The following EXD1 variants were observed in gnomAD, a reference collection of about 807,000 sequenced individuals.
EXD1 encodes piRNA biogenesis protein EXD1.
A neutral mutation model predicts 49.1 loss-of-function variants in EXD1; 63 were observed. That is an observed-to-expected ratio of 1.28 (90% CI 1.05 to 1.58). The LOEUF (loss-of-function observed/expected upper bound fraction) is 1.58, where lower values mean the gene tolerates loss of function less well. Among genes scored for constraint, EXD1 ranks in the 40% most tolerant of loss-of-function variants. The pLI is 0.00. For missense variants in EXD1, 748 were observed against 666.0 expected, an observed-to-expected ratio of 1.12 and a Z score of -1.36; for synonymous variants, 234 against 239.2, an observed-to-expected ratio of 0.98 and a Z score of 0.20.
intron 10 of EXD1, among the ~76,000 whole-genome samples, chr15:41,190,702 C>G (rs1191716364): frequency 6.6e-6 from 1 of 152,068 alleles, no homozygotes; most frequent in South Asian, 2.1e-4. Flanking sequence ...AGGCAGCAAA[C>G]TTGATTATGT....
intron 7 of EXD1, among the ~76,000 whole-genome samples, chr15:41,202,955 C>T (rs1021565939): frequency 6.6e-6 from 1 of 151,402 alleles, no homozygotes; most frequent in Non-Finnish European, 1.5e-5. Flanking sequence ...TGATGTTTTC[C>T]CCTGCTACTT....
chr15:41,195,305 A>G (rs2046591149), intron 9 of EXD1, among the ~76,000 whole-genome samples: 1 of 152,190 alleles, frequency 6.6e-6, no homozygotes, highest in South Asian at 2.1e-4. Context: ...CAGACAAATT[A>G]TATCACTTCA....
intron 7 of EXD1, among the ~76,000 whole-genome samples, chr15:41,200,648 T>C (rs1295734050): frequency 6.6e-6 from 1 of 152,264 alleles, no homozygotes; most frequent in Admixed American, 6.5e-5. Flanking sequence ...TTATAGTTGG[T>C]TGGTCAGAAG....
chr15:41,191,497 A>G lies in EXD1; in HGVS notation c.809T>C (p.Leu270Pro). 1 of 1,613,584 alleles carries G rather than the reference A, an allele frequency of 6.2e-7. No homozygotes were observed. Among genetic ancestry groups the G allele is most frequent in the Admixed American group, 1.7e-5 (1 of 59,998 alleles). Residue 270 changes from leucine to proline, a missense_variant, in exon 10 of 12, where the codon CTT becomes CCT. By Grantham distance (98) the Leu-to-Pro change is moderately conservative. Transcript: ENST00000458580. Reference protein sequence around the residue: ...TTLQESLIKHLQVAPKYLSFL... With the variant: ...TTLQESLIKHPQVAPKYLSFL... Reference sequence around the variant, plus strand: ...GGAGAGATATTTAGGGGCTACTTGAAGGTGTTTGATTAAACTCTCCTGCAA... The same window carrying G: ...GGAGAGATATTTAGGGGCTACTTGAGGGTGTTTGATTAAACTCTCCTGCAA...
At chr15:41,191,691 ACCC>A (rs2046521396) in intron 9 of EXD1, 106 bp from the exon 10 acceptor site, 2 of 1,096,858 alleles carry the variant, frequency 1.8e-6, no homozygotes, top group Admixed American at 4.8e-5. Flanking sequence ...TTCCCCAAGG[ACCC>A]ACACGATAGA....
At chr15:41,210,844 C>T (rs1006239727) in intron 6 of EXD1, among the ~76,000 whole-genome samples, 1 of 152,134 alleles carries the variant, frequency 6.6e-6, no homozygotes, top group African/African-American at 2.4e-5. Flanking sequence ...TATTCAATAA[C>T]AGAAAGGCAT....
intron 6 of EXD1, among the ~76,000 whole-genome samples, chr15:41,211,244 T>G (rs2046916906): frequency 6.6e-6 from 1 of 151,934 alleles, no homozygotes; most frequent in African/African-American, 2.4e-5. Flanking sequence ...CCCGGGTAGC[T>G]GAAACTACAG....
At position 41,226,502 on chromosome 15, in the gene EXD1, C is replaced by A. The variant is rs1487867503; in HGVS notation, c.74G>T (p.Gly25Val). 4 of 1,535,950 alleles carry A rather than the reference C, an allele frequency of 2.6e-6. No individual in the cohort carries two copies. The highest frequency in any genetic ancestry group is 2.4e-5 in the South Asian group (2 of 84,062). ...ATGCTGAAGCACACCCTCGAAGACA[C>A]CACAGACCAATGTGAGTTTCACCCT... Reference protein sequence around the residue: ...WKRVKLTLVCGVFEGVLQHVD... With the variant: ...WKRVKLTLVCVVFEGVLQHVD... The change falls in exon 2 of 12, where the codon GGT becomes GTT. Residue 25 changes from glycine to valine, a missense_variant. Physicochemically the swap from Gly to Val is moderately radical, Grantham distance 109. Coordinates refer to ENST00000458580, the MANE Select transcript of EXD1 (RefSeq NM_001286441.2).
intron 6 of EXD1, among the ~76,000 whole-genome samples, chr15:41,210,985 G>A (rs992374701): frequency 3.3e-5 from 5 of 152,244 alleles, no homozygotes; most frequent in Admixed American, 2.6e-4. Flanking sequence ...CTGCAGAACC[G>A]GCAACAAAAG....
chr15:41,228,934 T>C lies in EXD1; in HGVS notation c.-54+1545A>G, dbSNP rs544589502. 3.9e-5 allele frequency among the ~76,000 whole-genome samples: 6 copies of C among 152,272 alleles called. No individual in the cohort carries two copies. The South Asian group carries it at 1.2e-3, about 32-fold the overall frequency. ...TACTAACATGAAGCAAAGAAAGCTT[T>C]GACTGGAGACAGCTGCAAACACTAA... On this transcript the variant is annotated intron_variant, in intron 1 of 11. Coordinates refer to ENST00000458580, the MANE Select transcript of EXD1 (RefSeq NM_001286441.2).
intron 7 of EXD1, among the ~76,000 whole-genome samples, chr15:41,207,335 A>T (rs1249763532): frequency 6.6e-6 from 1 of 152,032 alleles, no homozygotes; most frequent in East Asian, 1.9e-4. Flanking sequence ...TGAGGTCGGG[A>T]GTTCGAGACC....
Position 41,195,844 on chromosome 15 carries a change from A to T in EXD1, c.651T>A (p.Asp217Glu). ...EDKRILKVIH[D>E]CRWLSDCLSH... ...AGAGGCAATCAGAAAGCCAACGACA[A>T]TCATGGATAACCTAAGGAATCAGAA... Residue 217 changes from aspartate to glutamate, a missense_variant, in exon 9 of 12, where the codon GAT becomes GAA. Physicochemically the swap from Asp to Glu is conservative, Grantham distance 45. Transcript: ENST00000458580. 6.2e-7 allele frequency: 1 copy of T among 1,613,604 alleles called. No homozygotes were observed. Among genetic ancestry groups the T allele is most frequent in the Non-Finnish European group, 8.5e-7 (1 of 1,179,914 alleles).
chr15:41,202,608 T>G (rs774987626), intron 7 of EXD1, among the ~76,000 whole-genome samples: 8 of 152,144 alleles, frequency 5.3e-5, no homozygotes, highest in Non-Finnish European at 1.0e-4. Flanking sequence ...CCTGAGTACC[T>G]GGGATTATAT....
At chr15:41,202,843 A>G (rs960475828) in intron 7 of EXD1, among the ~76,000 whole-genome samples, 15 of 149,578 alleles carry the variant, frequency 1.0e-4, no homozygotes, top group South Asian at 2.2e-4. Flanking sequence ...GCTGGAACTC[A>G]GGAGGCAGAG....
Position 41,218,486 on chromosome 15 carries a change from C to CAAA in EXD1, c.203-1335_203-1333dup, listed in dbSNP as rs35305069. ...TTAGCGACAAAGTAAGAATCCGTCT[C>CAAA]AAAAAAAAAAAAAAAAAAAGTATGA... On this transcript the variant is annotated intron_variant, in intron 3 of 11. Coordinates refer to ENST00000458580, the MANE Select transcript of EXD1 (RefSeq NM_001286441.2). 1.4e-3 allele frequency among the ~76,000 whole-genome samples: 108 copies of CAAA among 79,022 alleles called. 1 individual carries two copies. The highest frequency in any genetic ancestry group is 6.7e-3 in the Middle Eastern group (1 of 150). 51.8% of individuals were successfully genotyped at this position (79,022 alleles called of 152,430 possible).
chr15:41,198,286 T>G (rs1002857340), intron 7 of EXD1, among the ~76,000 whole-genome samples: 4 of 152,128 alleles, frequency 2.6e-5, no homozygotes, highest in Admixed American at 2.6e-4. Context: ...GCTGGGACTT[T>G]CATCCCCACT....
At chr15:41,221,817 C>G (rs1163470010) in intron 2 of EXD1, among the ~76,000 whole-genome samples, 1 of 151,944 alleles carries the variant, frequency 6.6e-6, no homozygotes, top group African/African-American at 2.4e-5. Context: ...AACAGACTTA[C>G]TAAGGCCAAG....
At chr15:41,217,233 G>C in intron 3 of EXD1, 79 bp from the exon 4 acceptor site, 1 of 1,162,216 alleles carries the variant, frequency 8.6e-7, no homozygotes. Context: ...CACACCCCTA[G>C]TTTAACCATG....
At position 41,191,504 on chromosome 15, in the gene EXD1, TGATTA is replaced by T; in HGVS notation, c.797_801del (p.Leu266Ter). On this transcript the variant is annotated frameshift_variant, in exon 10 of 12. Coordinates refer to ENST00000458580, the MANE Select transcript of EXD1 (RefSeq NM_001286441.2). LOFTEE classifies it high-confidence loss of function. ...TATTTAGGGGCTACTTGAAGGTGTT[TGATTA>T]AACTCTCCTGCAAAGTAGTGATGCA... The T allele has an allele frequency of 2.5e-6, 4 of 1,613,972 alleles. No individual in the cohort carries two copies. Among genetic ancestry groups the T allele is most frequent in the Non-Finnish European group, 3.4e-6 (4 of 1,179,858 alleles).
Sources: gnomAD v4.1 joint callset for allele counts (sites outside exome capture counted in the v4.1 genomes callset) on GRCh38, gnomAD v4.1.1 for gene constraint, MANE v1.5 for transcripts, NCBI Gene and HGNC (gene_info 2026-07-23, HGNC 2026-07-21) for gene names.